NAA11: variants seen among roughly 807,000 people sequenced by gnomAD.
The protein encoded by NAA11 is N-alpha-acetyltransferase 11, NatA catalytic subunit.
NAA11 carries 15 observed loss-of-function variants against 16.1 expected under a neutral mutation model. The observed-to-expected ratio is 0.93, with a 90% CI of 0.62 to 1.44. The LOEUF is 1.44. Ranked by LOEUF, NAA11 falls within the 40% of genes most tolerant of loss-of-function variation. The pLI, the probability that NAA11 is intolerant of heterozygous loss-of-function variation, is 0.00. For missense variants in NAA11, 298 were observed against 291.3 expected, an observed-to-expected ratio of 1.02 and a Z score of -0.17; for synonymous variants, 122 against 112.4, an observed-to-expected ratio of 1.09 and a Z score of -0.54.
chr4:79,242,221 T>C (rs1721713054), intron 2 of NAA11, among the ~76,000 whole-genome samples: 1 of 152,056 alleles, frequency 6.6e-6, no homozygotes, highest in Non-Finnish European at 1.5e-5. Flanking sequence ...GTCAGCTCCA[T>C]AGCTGTGGCC....
At chr4:79,201,039 ATT>A in the NAA11 span, among the ~76,000 whole-genome samples, 1 of 151,708 alleles carries the variant, frequency 6.6e-6, no homozygotes, top group African/African-American at 2.4e-5. Flanking sequence ...AGCGTTTTAT[ATT>A]GTGTTTTTTT....
chr4:79,276,035 T>G (rs1338719684), intron 2 of NAA11, among the ~76,000 whole-genome samples: 1 of 152,124 alleles, frequency 6.6e-6, no homozygotes, highest in African/African-American at 2.4e-5. Flanking sequence ...TTATTGTTGC[T>G]AAAAGTTCTT....
At chr4:79,280,712 T>C (rs896103915) in intron 2 of NAA11, among the ~76,000 whole-genome samples, 1 of 152,074 alleles carries the variant, frequency 6.6e-6, no homozygotes, top group African/African-American at 2.4e-5. Context: ...GCGGTATCTT[T>C]CATTTTTGTG....
intron 2 of NAA11, among the ~76,000 whole-genome samples, chr4:79,245,859 G>T (rs566668160): frequency 6.6e-6 from 1 of 152,044 alleles, no homozygotes; most frequent in Admixed American, 6.5e-5. Flanking sequence ...TCTGCCCGGC[G>T]GCCACCCCTT....
At chr4:79,243,660 G>C (rs1721742762) in intron 2 of NAA11, among the ~76,000 whole-genome samples, 1 of 152,196 alleles carries the variant, frequency 6.6e-6, no homozygotes, top group Non-Finnish European at 1.5e-5. Flanking sequence ...ATCCATATGT[G>C]TCTGCAGCAA....
chr4:79,165,166 G>C, the NAA11 span, among the ~76,000 whole-genome samples: 1 of 152,302 alleles, frequency 6.6e-6, no homozygotes, highest in South Asian at 2.1e-4. Context: ...TCCTTGGGAG[G>C]TGGCAGGTTT....
At chr4:79,324,364 T>C (rs956376830) in intron 1 of NAA11, among the ~76,000 whole-genome samples, 6 of 152,218 alleles carry the variant, frequency 3.9e-5, no homozygotes, top group African/African-American at 7.2e-5. Context: ...ATCTCAAAAA[T>C]GTCTTATACA....
At chr4:79,201,768 C>T in the NAA11 span, among the ~76,000 whole-genome samples, 1 of 151,498 alleles carries the variant, frequency 6.6e-6, no homozygotes, top group African/African-American at 2.4e-5. Context: ...AATTTATTTA[C>T]ATAAAATAAA....
intron 2 of NAA11, among the ~76,000 whole-genome samples, chr4:79,271,512 G>A (rs1407510268): frequency 6.6e-6 from 1 of 151,988 alleles, no homozygotes; most frequent in African/African-American, 2.4e-5. Flanking sequence ...TAAATGGTGC[G>A]ATTTCTTGAT....
In NAA11 at chr4:79,325,265, C is replaced by A; in HGVS notation, c.613G>T (p.Asp205Tyr). ...KNPATEESGSDSKEPKESVES... is the reference protein window; with the variant it reads ...KNPATEESGSYSKEPKESVES... Reference sequence around the variant, plus strand: ...ACAGACTCCTTAGGTTCTTTGCTGTCACTGCCACTTTCTTCGGTAGCCGGG... The same window carrying A: ...ACAGACTCCTTAGGTTCTTTGCTGTAACTGCCACTTTCTTCGGTAGCCGGG... Residue 205 changes from aspartate (D) to tyrosine (Y), a missense_variant, in exon 1 of 2, where the codon GAC becomes TAC. By Grantham distance (160) the Asp-to-Tyr change is radical. Coordinates refer to ENST00000286794, the MANE Select transcript of NAA11 (RefSeq NM_032693.3). The A allele has an allele frequency of 6.2e-7, 1 of 1,613,792 alleles. No individual in the cohort carries two copies. The highest frequency in any genetic ancestry group is 8.5e-7 in the Non-Finnish European group (1 of 1,179,794).
At chr4:79,257,714 G>A (rs1002057009) in intron 2 of NAA11, among the ~76,000 whole-genome samples, 9 of 151,852 alleles carry the variant, frequency 5.9e-5, no homozygotes, top group Admixed American at 1.3e-4. Context: ...TAATTTCTGA[G>A]TTTTTCTAAT....
intron 2 of NAA11, among the ~76,000 whole-genome samples, chr4:79,226,673 G>A (rs1682027070): frequency 6.7e-6 from 1 of 148,566 alleles, no homozygotes; most frequent in African/African-American, 2.5e-5. Context: ...GTGAGAACAT[G>A]TGGTGTTTGT....
the NAA11 span, among the ~76,000 whole-genome samples, chr4:79,183,128 A>T: frequency 6.6e-6 from 1 of 152,166 alleles, no homozygotes; most frequent in African/African-American, 2.4e-5. Flanking sequence ...GCAATATGTT[A>T]TGCAATATGT....
At chr4:79,197,342 G>A in the NAA11 span, among the ~76,000 whole-genome samples, 1 of 151,904 alleles carries the variant, frequency 6.6e-6, no homozygotes. Context: ...AATGTGTGAC[G>A]TTTGCTGTAG....
chr4:79,290,661 A>G (rs1723059429), intron 2 of NAA11, among the ~76,000 whole-genome samples: 1 of 152,178 alleles, frequency 6.6e-6, no homozygotes. Flanking sequence ...AACTTGCTGC[A>G]TGGCATTTGT....
intron 2 of NAA11, among the ~76,000 whole-genome samples, chr4:79,257,641 G>C (rs1440575807): frequency 1.3e-5 from 2 of 151,356 alleles, no homozygotes; most frequent in African/African-American, 4.9e-5. Context: ...CATTCATTTT[G>C]GTGTTTGATC....
intron 2 of NAA11, among the ~76,000 whole-genome samples, chr4:79,254,672 T>C (rs1005688830): frequency 2.0e-5 from 3 of 150,558 alleles, no homozygotes; most frequent in African/African-American, 7.3e-5. Context: ...TTTTTTCTTT[T>C]AGTTAATTTA....
intron 2 of NAA11, among the ~76,000 whole-genome samples, chr4:79,236,419 G>C (rs1161336181): frequency 6.6e-6 from 1 of 151,314 alleles, no homozygotes. Context: ...AATTTAAAAG[G>C]ACTTCTTATT....
At chr4:79,180,013 C>T in the NAA11 span, among the ~76,000 whole-genome samples, 1 of 152,082 alleles carries the variant, frequency 6.6e-6, no homozygotes, top group African/African-American at 2.4e-5. Flanking sequence ...CTCACTATCA[C>T]GAAAACAGCA....
Sources: allele counts gnomAD v4.1 joint callset (sites outside exome capture counted in the v4.1 genomes callset), GRCh38; gene constraint gnomAD v4.1.1; transcripts MANE v1.5; gene names NCBI Gene and HGNC (gene_info 2026-07-23, HGNC 2026-07-21).